PZP: variants seen among roughly 807,000 people sequenced by gnomAD.
The protein encoded by PZP is pregnancy zone protein.
Under a neutral mutation model 179.8 loss-of-function variants are expected in PZP, and 150 were observed. The ratio of observed to expected loss-of-function variants is 0.83; its 90% CI spans 0.73 to 0.96. The LOEUF (loss-of-function observed/expected upper bound fraction) is 0.96, where lower values mean the gene tolerates loss of function less well. Among genes scored for constraint, PZP ranks in the 40% least tolerant of loss-of-function variants. PZP has a pLI of 0.00. For synonymous variants in PZP, 624 were observed against 652.3 expected (o/e 0.96, Z 0.66); for missense variants, 1,689 against 1,764.0 (o/e 0.96, Z 0.76).
chr12:9,152,976 A>G (rs774325487), intron 30 of PZP, 25 bp from the exon 31 acceptor site: 1 of 1,613,964 alleles, frequency 6.2e-7, no homozygotes, highest in Non-Finnish European at 8.5e-7. Flanking sequence ...AGACACTATC[A>G]GTTTCTCTCT....
rs752530499 is a variant in PZP at position 9,196,669 on chromosome 12, C to T, written c.884G>A (p.Cys295Tyr). The T allele has an allele frequency of 6.2e-6, 10 of 1,610,328 alleles. No individual in the cohort carries two copies. The highest frequency in any genetic ancestry group is 5.0e-5 in the Admixed American group (3 of 59,996). Reference sequence around the variant, plus strand: ...TTTGGTGTGTACTTGTTGGGTGATGCAGCCATTGCTGTTAAGCTGAGAAAA... The same window carrying T: ...TTTGGTGTGTACTTGTTGGGTGATGTAGCCATTGCTGTTAAGCTGAGAAAA... ...EFSQQLNSNGCITQQVHTKML... is the reference protein window; with the variant it reads ...EFSQQLNSNGYITQQVHTKML... The change falls in exon 9 of 36, where the codon TGC becomes TAC. Residue 295 changes from cysteine to tyrosine, a missense_variant. Physicochemically the swap from Cys to Tyr is radical, Grantham distance 194. Coordinates refer to ENST00000261336, the MANE Select transcript of PZP (RefSeq NM_002864.3).
At chr12:9,189,435 C>T (rs1943325418) in intron 13 of PZP, among the ~76,000 whole-genome samples, 1 of 152,144 alleles carries the variant, frequency 6.6e-6, no homozygotes, top group Admixed American at 6.6e-5. Flanking sequence ...AACTGGCTAG[C>T]CATAGGCAGA....
intron 15 of PZP, among the ~76,000 whole-genome samples, chr12:9,171,800 T>C (rs754142865): frequency 6.6e-6 from 1 of 152,000 alleles, no homozygotes; most frequent in East Asian, 1.9e-4. Flanking sequence ...GAAGAAAGAA[T>C]GAAAAGAAAT....
At chr12:9,193,227 A>T (rs750275262) in intron 11 of PZP, among the ~76,000 whole-genome samples, 2 of 152,304 alleles carry the variant, frequency 1.3e-5, no homozygotes, top group East Asian at 3.9e-4. Context: ...GTGATTTCTG[A>T]AACTTTAAGC....
chr12:9,154,169 G>A (rs1039841630), intron 29 of PZP, among the ~76,000 whole-genome samples: 30 of 152,130 alleles, frequency 2.0e-4, no homozygotes, highest in African/African-American at 6.0e-4. Context: ...CTGGAACATT[G>A]GTTCCCAACT....
chr12:9,149,045 T>C (rs757827592), intron 35 of PZP, 51 bp from the exon 36 acceptor site: 1 of 1,528,120 alleles, frequency 6.5e-7, no homozygotes. Context: ...CTGAGGAGCA[T>C]TCAGTTGAGT....
rs1184476522 is a variant in PZP, at chr12:9,166,155, AT to A, written c.2154del (p.Tyr719IlefsTer3). On this transcript the variant is annotated frameshift_variant, in exon 18 of 36. Transcript: ENST00000261336. LOFTEE classifies it high-confidence loss of function. ...TCATTATTTAAGGGTATCACATTAT[AT>A]GTGCCTAATTGAGGAACATATGGTC... ...VERPYVPQLGTYNVIPLNNEQ... is the reference protein window; with the variant it reads ...VERPYVPQLGXYNVIPLNNEQ... The A allele has an allele frequency of 1.5e-5, 24 of 1,613,798 alleles. No individual in the cohort carries two copies. The highest frequency in any genetic ancestry group is 1.9e-5 in the Non-Finnish European group (23 of 1,179,934).
chr12:9,196,883 C>G (rs1281737075), intron 8 of PZP, 129 bp downstream of exon 8: 2 of 820,426 alleles, frequency 2.4e-6, no homozygotes, highest in Non-Finnish European at 2.0e-6. Flanking sequence ...TGACTAAGAA[C>G]AGAAATTCGT....
chr12:9,142,024 A>G, the PZP span, among the ~76,000 whole-genome samples: 2 of 152,196 alleles, frequency 1.3e-5, no homozygotes, highest in African/African-American at 4.8e-5. Context: ...AAATTTTTTC[A>G]TGACTTACAT....
At chr12:9,148,256 T>G (rs1940113360), downstream of PZP, among the ~76,000 whole-genome samples, 5 of 152,204 alleles carry the variant, frequency 3.3e-5, no homozygotes, top group South Asian at 1.0e-3. Flanking sequence ...TTAGCATTTT[T>G]CAAGAATACA....
chr12:9,195,919 T>A (rs1329289190), intron 10 of PZP, among the ~76,000 whole-genome samples: 1 of 151,844 alleles, frequency 6.6e-6, no homozygotes, highest in African/African-American at 2.4e-5. Flanking sequence ...ATGCCTAAAA[T>A]TAAAGACTTA....
Position 9,163,698 on chromosome 12 carries a change from T to C in PZP, c.2706A>G (p.Lys902=). The C allele has an allele frequency of 6.2e-7, 1 of 1,613,996 alleles. No individual in the cohort carries two copies. The highest frequency in any genetic ancestry group is 8.5e-7 in the Non-Finnish European group (1 of 1,179,900). ...EVVEVPEIKR[K]DTVIKTLLVE... ...CCAACAGGGTTTTGATGACTGTGTC[T>C]TTTCTTTTAATCTCAGGGACCTCAA... Residue 902 remains lysine, a synonymous_variant, in exon 21 of 36, where the codon AAA becomes AAG. Transcript: ENST00000261336.
intron 13 of PZP, 136 bp from the exon 14 acceptor site, chr12:9,182,253 C>G (rs1942819129): frequency 2.8e-6 from 2 of 725,252 alleles, no homozygotes; most frequent in Non-Finnish European, 2.0e-6. Flanking sequence ...CTTAGTCTCT[C>G]TATGTGCCAT....
chr12:9,198,958 A>G (rs1943997832), intron 7 of PZP, among the ~76,000 whole-genome samples: 1 of 152,046 alleles, frequency 6.6e-6, no homozygotes, highest in Non-Finnish European at 1.5e-5. Flanking sequence ...TCCCTCTGGG[A>G]CTGTTTGTTT....
intron 35 of PZP, among the ~76,000 whole-genome samples, 155 bp downstream of exon 35, chr12:9,149,406 T>TA (rs779937245): frequency 4.6e-5 from 7 of 152,224 alleles, no homozygotes; most frequent in African/African-American, 7.2e-5. Flanking sequence ...CGCTACAGAA[T>TA]AGGCATGCTA....
At chr12:9,160,891 G>C in intron 23 of PZP, 142 bp downstream of exon 23, 1 of 737,864 alleles carries the variant, frequency 1.4e-6, no homozygotes, top group South Asian at 1.6e-5. Flanking sequence ...CTCCAGCCTG[G>C]GCGACAGAGC....
rs1257357883 is a variant in PZP at position 9,152,148 on chromosome 12, T to C, written c.4212+72A>G. The C allele has an allele frequency of 8.5e-5, 94 of 1,101,216 alleles. 1 individual carries two copies. In the East Asian group the frequency reaches 2.2e-3, roughly 26 times the overall value. The allele number at this position is 1,101,216 out of a possible 1,614,324, so 68.2% of individuals were successfully genotyped here. On this transcript the variant is annotated intron_variant, in intron 32 of 35. Transcript: ENST00000261336. ...GGATGATGTTGACATGGTTTTGATA[T>C]TGGTATGGTCTTAGTTTGGGGATAC... is the stretch of plus-strand genomic sequence containing the variant.
intron 26 of PZP, 116 bp from the exon 27 acceptor site, chr12:9,157,957 T>C (rs951898627): frequency 1.7e-5 from 15 of 861,706 alleles, no homozygotes; most frequent in Non-Finnish European, 2.6e-5. Flanking sequence ...TACCATTTCC[T>C]TCTCTCTCTC....
intron 7 of PZP, among the ~76,000 whole-genome samples, chr12:9,198,811 T>G (rs1943989215): frequency 6.6e-6 from 1 of 152,220 alleles, no homozygotes; most frequent in African/African-American, 2.4e-5. Flanking sequence ...CATATAGATA[T>G]CTGCACTACG....
Sources: allele counts gnomAD v4.1 joint callset (sites outside exome capture counted in the v4.1 genomes callset), GRCh38; gene constraint gnomAD v4.1.1; transcripts MANE v1.5; gene names NCBI Gene and HGNC (gene_info 2026-07-23, HGNC 2026-07-21).